The following TNIP1 variants were observed in gnomAD, a reference collection of about 807,000 sequenced individuals.
TNIP1 encodes the protein TNFAIP3-interacting protein 1.
In TNIP1, 22 loss-of-function variants were observed where a neutral mutation model predicts 86.6. The ratio of observed to expected loss-of-function variants is 0.25; its 90% CI spans 0.18 to 0.36. TNIP1 has a LOEUF of 0.36. Among genes scored for constraint, TNIP1 ranks in the 10% least tolerant of loss-of-function variants. TNIP1 has a pLI of 1.00. For synonymous variants in TNIP1, 294 were observed against 313.0 expected (o/e 0.94, Z 0.64); for missense variants, 709 against 820.6 (o/e 0.86, Z 1.66).
chr5:151,078,271 G>C (rs1581936441), intron 1 of TNIP1: 2 of 152,162 alleles, frequency 1.3e-5, no homozygotes, highest in African/African-American at 4.8e-5. Context: ...AGAGCACTCT[G>C]GTTCTCCTCC....
chr5:151,072,839 G>C (rs1462948091), intron 1 of TNIP1, among the ~76,000 whole-genome samples: 2 of 152,310 alleles, frequency 1.3e-5, no homozygotes, highest in East Asian at 3.9e-4. Flanking sequence ...TTTTCTTACA[G>C]CTGAGTCACC....
At chr5:151,034,000 A>C (rs1370537001) in intron 15 of TNIP1, among the ~76,000 whole-genome samples, 1 of 152,228 alleles carries the variant, frequency 6.6e-6, no homozygotes. Flanking sequence ...TGAGCATGGA[A>C]GGCTGCATGG....
At chr5:151,077,493 A>G (rs763116691) in intron 1 of TNIP1, among the ~76,000 whole-genome samples, 49 of 152,184 alleles carry the variant, frequency 3.2e-4, no homozygotes, top group Non-Finnish European at 6.6e-4. Context: ...AGTGCTTGCC[A>G]CACACTATCC....
At chr5:151,059,787 G>GAT (rs1761162581) in intron 5 of TNIP1, among the ~76,000 whole-genome samples, 3 of 53,322 alleles carry the variant, frequency 5.6e-5, no homozygotes. Context: ...GACAGAGAGA[G>GAT]AGAGAGAGAG....
chr5:151,085,689 TCTCTCCCCCTGGC>T (rs545992545), upstream of TNIP1, among the ~76,000 whole-genome samples: 280 of 152,176 alleles, frequency 1.8e-3, 3 homozygotes, highest in African/African-American at 5.5e-3. Flanking sequence ...CACTCCAGCG[TCTCTCCCCCTGGC>T]CTCTCCGTCT....
In TNIP1 at chr5:151,032,405, A is replaced by G. The variant is rs1046847236; in HGVS notation, c.1780-22T>C. On this transcript the variant is annotated intron_variant, in intron 16 of 17. Transcript: ENST00000521591. ...CCGGCTGCGACAAAACTGGTGCTTA[A>G]TAATCAATAATCACACCCAAAAATT... The G allele has an allele frequency of 1.9e-6, 3 of 1,610,878 alleles. No homozygotes were observed. The African/African-American group carries it at 4.0e-5, about 22-fold the overall frequency.
intron 1 of TNIP1, among the ~76,000 whole-genome samples, chr5:151,075,350 T>C (rs763065570): frequency 3.9e-5 from 6 of 152,196 alleles, no homozygotes; most frequent in African/African-American, 7.2e-5. Flanking sequence ...GTTTGCTTTT[T>C]TTCTGCTTCA....
intron 1 of TNIP1, among the ~76,000 whole-genome samples, chr5:151,072,685 C>G (rs933962893): frequency 6.6e-6 from 1 of 152,186 alleles, no homozygotes; most frequent in Non-Finnish European, 1.5e-5. Flanking sequence ...AGTCCCCCAC[C>G]AACCCTCTAC....
At chr5:151,042,999 A>C (rs1561824280) in intron 9 of TNIP1, 38 bp from the exon 10 acceptor site, 17 of 1,609,858 alleles carry the variant, frequency 1.1e-5, no homozygotes, top group Non-Finnish European at 1.4e-5. Flanking sequence ...AGATGAGCAG[A>C]GAAGGAACAA....
intron 14 of TNIP1, 137 bp from the exon 15 acceptor site, chr5:151,035,204 G>A: frequency 1.5e-5 from 15 of 1,018,006 alleles, no homozygotes; most frequent in Non-Finnish European, 2.2e-5. Flanking sequence ...CCAGCCCCGG[G>A]AAAGGGCCCT....
At chr5:151,064,672 T>C (rs1392829042) in intron 2 of TNIP1, among the ~76,000 whole-genome samples, 1 of 152,178 alleles carries the variant, frequency 6.6e-6, no homozygotes, top group Non-Finnish European at 1.5e-5. Context: ...TCCATGGCCA[T>C]TAACTGGGCC....
At position 151,049,945 on chromosome 5, in the gene TNIP1, T is replaced by G. The variant is rs1183466617; in HGVS notation, c.725A>C (p.Glu242Ala). The G allele has an allele frequency of 3.1e-6, 5 of 1,613,908 alleles. No individual in the cohort carries two copies. In the Admixed American group the frequency reaches 5.0e-5, roughly 16 times the overall value. ...QRDQAAERLR[E>A]ENLELKKLLM... ...CAACTTCTTGAGCTCCAAATTTTCC[T>G]CCCTGGGATGGAGGTAAACAGAGAA... Residue 242 changes from glutamate (E) to alanine (A), a missense_variant and splice_region_variant, in exon 8 of 18, where the codon GAG becomes GCG. By Grantham distance (107) the Glu-to-Ala change is moderately radical. Coordinates refer to ENST00000521591, the MANE Select transcript of TNIP1 (RefSeq NM_006058.5).
intron 1 of TNIP1, among the ~76,000 whole-genome samples, chr5:151,069,179 C>G (rs746338368): frequency 6.6e-6 from 1 of 152,198 alleles, no homozygotes; most frequent in Non-Finnish European, 1.5e-5. Flanking sequence ...GTCCCCAGGG[C>G]TCAACTCTCA....
At chr5:151,058,023 C>T (rs1022166878) in intron 5 of TNIP1, among the ~76,000 whole-genome samples, 5 of 152,128 alleles carry the variant, frequency 3.3e-5, no homozygotes, top group Admixed American at 3.3e-4. Context: ...TGGGTTCAAG[C>T]GATTCTCCTG....
At chr5:151,062,018 G>A (rs1479214131) in intron 4 of TNIP1, 109 bp downstream of exon 4, 9 of 998,604 alleles carry the variant, frequency 9.0e-6, no homozygotes, top group African/African-American at 6.5e-5. Context: ...CCAGCGAGAC[G>A]GAACACAGTT....
At chr5:151,064,269 A>T (rs1481172885) in intron 2 of TNIP1, among the ~76,000 whole-genome samples, 1 of 152,264 alleles carries the variant, frequency 6.6e-6, no homozygotes, top group Admixed American at 6.5e-5. Context: ...AGCAAGGAGA[A>T]AGCATTTTAA....
upstream of TNIP1, among the ~76,000 whole-genome samples, chr5:151,084,076 G>A (rs1052325808): frequency 6.6e-6 from 1 of 152,200 alleles, no homozygotes; most frequent in Non-Finnish European, 1.5e-5. Flanking sequence ...ACACTCTTAA[G>A]CATCATGCTC....
intron 5 of TNIP1, among the ~76,000 whole-genome samples, chr5:151,059,451 T>C (rs946296451): frequency 1.3e-5 from 2 of 152,166 alleles, no homozygotes; most frequent in Non-Finnish European, 2.9e-5. Context: ...GACAGGTACA[T>C]GGGGCAACCA....
At chr5:151,035,746 T>G in intron 13 of TNIP1, 39 bp from the exon 14 acceptor site, 1 of 1,610,554 alleles carries the variant, frequency 6.2e-7, no homozygotes, top group Non-Finnish European at 8.5e-7. Flanking sequence ...AGGGGGATGG[T>G]CCTGAGTGGG....
Sources: allele counts gnomAD v4.1 joint callset (sites outside exome capture counted in the v4.1 genomes callset), GRCh38; gene constraint gnomAD v4.1.1; transcripts MANE v1.5; gene names NCBI Gene and HGNC (gene_info 2026-07-23, HGNC 2026-07-21).